The following KDM4C variants were observed in gnomAD, a reference collection of about 807,000 sequenced individuals.
KDM4C encodes lysine-specific demethylase 4C.
In KDM4C, 81 loss-of-function variants were observed where a neutral mutation model predicts 129.3. The observed-to-expected ratio is 0.63, with a 90% CI of 0.52 to 0.75. The LOEUF (loss-of-function observed/expected upper bound fraction) is 0.75. Ranked by LOEUF, KDM4C falls within the 30% of genes least tolerant of loss-of-function variation. KDM4C has a pLI of 0.00. For synonymous variants in KDM4C, 573 were observed against 456.1 expected (o/e 1.26, Z -3.26); for missense variants, 1,457 against 1,304.0 (o/e 1.12, Z -1.81).
At chr9:6,983,756 T>G (rs1817189262) in intron 9 of KDM4C, among the ~76,000 whole-genome samples, 1 of 150,454 alleles carries the variant, frequency 6.6e-6, no homozygotes, top group Non-Finnish European at 1.5e-5. Context: ...AAAATTTACT[T>G]TTAGCACTAG....
chr9:6,739,711 T>G (rs1817628359), intron 1 of KDM4C, among the ~76,000 whole-genome samples: 1 of 151,288 alleles, frequency 6.6e-6, no homozygotes, highest in African/African-American at 2.4e-5. Context: ...AATAGCCCAG[T>G]AAGCTGGAAG....
chr9:7,039,244 G>C (rs1204869671), intron 15 of KDM4C, among the ~76,000 whole-genome samples: 1 of 152,026 alleles, frequency 6.6e-6, no homozygotes, highest in East Asian at 1.9e-4. Flanking sequence ...AGTTGGATCT[G>C]GACATTTTGA....
intron 18 of KDM4C, among the ~76,000 whole-genome samples, chr9:7,120,383 C>T (rs1388890729): frequency 6.6e-6 from 1 of 152,078 alleles, no homozygotes; most frequent in Non-Finnish European, 1.5e-5. Context: ...TTATAAGGGC[C>T]TGTATAATTT....
At chr9:7,025,057 A>G (rs1185556160) in intron 15 of KDM4C, among the ~76,000 whole-genome samples, 1 of 152,168 alleles carries the variant, frequency 6.6e-6, no homozygotes, top group Non-Finnish European at 1.5e-5. Flanking sequence ...GAATGCATAT[A>G]TATTTATGAT....
chr9:6,992,037 T>C (rs985858212), intron 12 of KDM4C, among the ~76,000 whole-genome samples: 1 of 152,146 alleles, frequency 6.6e-6, no homozygotes, highest in Non-Finnish European at 1.5e-5. Context: ...TTTGCTACTT[T>C]ATTATACCCA....
chr9:6,880,521 A>C lies in KDM4C; in HGVS notation c.679+460A>C, dbSNP rs533046973. Among the ~76,000 whole-genome samples, 6 of 152,034 alleles carry C rather than the reference A, an allele frequency of 3.9e-5. No homozygotes were observed. The East Asian group carries it at 1.2e-3, about 29-fold the overall frequency. ...AAGGGTTATGTCACTGCCGACGCCC[A>C]GTTCTTCTGTGGCCCACTGGGACTG... On this transcript the variant is annotated intron_variant, in intron 6 of 21. Coordinates refer to ENST00000381309, the MANE Select transcript of KDM4C (RefSeq NM_015061.6).
intron 5 of KDM4C, among the ~76,000 whole-genome samples, chr9:6,856,127 T>C (rs1467157148): frequency 6.6e-6 from 1 of 152,116 alleles, no homozygotes; most frequent in Non-Finnish European, 1.5e-5. Flanking sequence ...AGTAAACATT[T>C]GCTCAGTGAA....
At position 7,132,177 on chromosome 9, in the gene KDM4C, A is replaced by G. The variant is rs546990488; in HGVS notation, c.2781+3941A>G. ...TTTAATCATCCCAAGCTATTTATCT[A>G]TGTATGACACAAATAGAGTCCCTTA... On this transcript the variant is annotated intron_variant, in intron 19 of 21. Transcript: ENST00000381309. 4.6e-4 allele frequency among the ~76,000 whole-genome samples: 70 copies of G among 152,328 alleles called. No individual in the cohort carries two copies. The South Asian group carries it at 5.6e-3, about 12-fold the overall frequency.
chr9:7,008,607 A>G (rs1402273214), intron 12 of KDM4C, among the ~76,000 whole-genome samples: 3 of 152,172 alleles, frequency 2.0e-5, no homozygotes, highest in African/African-American at 7.2e-5. Context: ...CCACAGACCA[A>G]ACATCCAGGA....
At chr9:7,058,177 A>T (rs533672250) in intron 17 of KDM4C, among the ~76,000 whole-genome samples, 1 of 152,178 alleles carries the variant, frequency 6.6e-6, no homozygotes, top group Non-Finnish European at 1.5e-5. Context: ...AGTCTCTGCT[A>T]TGGTGTCTTT....
intron 15 of KDM4C, among the ~76,000 whole-genome samples, chr9:7,037,061 C>T (rs770023696): frequency 2.7e-4 from 41 of 152,162 alleles, no homozygotes; most frequent in Admixed American, 1.9e-3. Context: ...TTCTCTCCAG[C>T]CCTGATAATG....
At chr9:7,055,692 C>T (rs1196920232) in intron 17 of KDM4C, among the ~76,000 whole-genome samples, 1 of 152,176 alleles carries the variant, frequency 6.6e-6, no homozygotes, top group East Asian at 1.9e-4. Flanking sequence ...AATCACACTT[C>T]CTATTTCTTA....
At chr9:6,854,275 T>C (rs540616945) in intron 5 of KDM4C, among the ~76,000 whole-genome samples, 4 of 152,168 alleles carry the variant, frequency 2.6e-5, no homozygotes, top group African/African-American at 9.6e-5. Context: ...ACGCCTGTAA[T>C]CCCAGCACTT....
chr9:7,157,609 A>G (rs1843327604), intron 19 of KDM4C, among the ~76,000 whole-genome samples: 2 of 152,226 alleles, frequency 1.3e-5, no homozygotes, highest in South Asian at 4.1e-4. Flanking sequence ...CTATTGAGAT[A>G]ATCGTGTGGT....
intron 15 of KDM4C, among the ~76,000 whole-genome samples, chr9:7,041,286 G>T (rs540242898): frequency 6.6e-6 from 1 of 152,082 alleles, no homozygotes; most frequent in Admixed American, 6.6e-5. Flanking sequence ...ATCTAGAGAT[G>T]ATTTAAAGTA....
At chr9:7,047,396 G>C (rs2132534788) in intron 16 of KDM4C, among the ~76,000 whole-genome samples, 1 of 151,588 alleles carries the variant, frequency 6.6e-6, no homozygotes, top group South Asian at 2.1e-4. Context: ...AAGATAGGGA[G>C]AAAACATTGA....
chr9:7,031,177 T>C (rs818870), intron 15 of KDM4C, among the ~76,000 whole-genome samples: 50,953 of 150,040 alleles, frequency 0.34, 10,325 homozygotes, highest in Middle Eastern at 0.51. Context: ...TTTATGTATG[T>C]TTTGAGATGG....
intron 8 of KDM4C, among the ~76,000 whole-genome samples, chr9:6,896,001 A>G (rs58397961): frequency 0.029 from 4,359 of 152,208 alleles, 218 homozygotes; most frequent in African/African-American, 0.1. Flanking sequence ...TATTTGACAC[A>G]TATTTTTGAT....
chr9:6,815,578 G>C (rs1010369040), intron 4 of KDM4C, among the ~76,000 whole-genome samples: 1 of 152,070 alleles, frequency 6.6e-6, no homozygotes, highest in Non-Finnish European at 1.5e-5. Context: ...TACACACCTG[G>C]ATACCATTCA....
Sources: allele counts gnomAD v4.1 joint callset (sites outside exome capture counted in the v4.1 genomes callset), GRCh38; gene constraint gnomAD v4.1.1; transcripts MANE v1.5; gene names NCBI Gene and HGNC (gene_info 2026-07-23, HGNC 2026-07-21).